CACNA2D3: variants seen among roughly 807,000 people sequenced by gnomAD.
The protein encoded by CACNA2D3 is voltage-dependent calcium channel subunit alpha-2/delta-3.
In CACNA2D3, 60 loss-of-function variants were observed where a neutral mutation model predicts 160.6. That is an observed-to-expected ratio of 0.37 (90% CI 0.30 to 0.46). The LOEUF is 0.46. CACNA2D3 is among the 20% of genes least tolerant of loss of function. The pLI, the probability that CACNA2D3 is intolerant of heterozygous loss-of-function variation, is 1.00. For missense variants in CACNA2D3, 1,205 were observed against 1,365.0 expected, an observed-to-expected ratio of 0.88 and a Z score of 1.85; for synonymous variants, 558 against 492.9, an observed-to-expected ratio of 1.13 and a Z score of -1.75.
intron 2 of CACNA2D3, among the ~76,000 whole-genome samples, chr3:54,212,637 GTCCGA>G (rs1701396241): frequency 6.6e-6 from 1 of 152,188 alleles, no homozygotes; most frequent in Non-Finnish European, 1.5e-5. Context: ...AATGAGGTGT[GTCCGA>G]CCCCCACTTC....
intron 5 of CACNA2D3, among the ~76,000 whole-genome samples, chr3:54,524,266 T>A (rs1701690932): frequency 6.6e-6 from 1 of 152,166 alleles, no homozygotes; most frequent in South Asian, 2.1e-4. Flanking sequence ...ATGCACTGGT[T>A]ATTTAGGAGT....
chr3:54,800,680 C>G (rs750536248), intron 13 of CACNA2D3, among the ~76,000 whole-genome samples: 1 of 152,182 alleles, frequency 6.6e-6, no homozygotes, highest in Non-Finnish European at 1.5e-5. Flanking sequence ...CAAAGAATGT[C>G]TGCCATCAAA....
intron 2 of CACNA2D3, among the ~76,000 whole-genome samples, chr3:54,203,953 GGTCCCTGGGA>G: frequency 6.6e-6 from 1 of 151,976 alleles, no homozygotes; most frequent in African/African-American, 2.4e-5. Context: ...TCCTCACCTA[GGTCCCTGGGA>G]GTGGGACCCT....
At chr3:54,859,971 T>TGCGC (rs141605463) in intron 17 of CACNA2D3, among the ~76,000 whole-genome samples, 15,678 of 60,982 alleles carry the variant, frequency 0.26, 1,113 homozygotes, top group Non-Finnish European at 0.28. Flanking sequence ...GGAAAGTAGA[T>TGCGC]GCACACACAC....
chr3:54,332,918 G>A (rs1704296848), intron 3 of CACNA2D3, among the ~76,000 whole-genome samples: 1 of 152,116 alleles, frequency 6.6e-6, no homozygotes, highest in South Asian at 2.1e-4. Context: ...TGCTATTAGG[G>A]GAGACAGGAA....
At position 54,868,735 on chromosome 3, in the gene CACNA2D3, C is replaced by T. The variant is rs947987240; in HGVS notation, c.1627-2804C>T. ...CACCATCATAGTCAACAAACAGCTT[C>T]TGTCTGCCTATGGTTTGCAGAATGG... On this transcript the variant is annotated intron_variant, in intron 17 of 37. Transcript: ENST00000474759. Among the ~76,000 whole-genome samples, 10 of 152,282 alleles carry T rather than the reference C, an allele frequency of 6.6e-5. No homozygotes were observed. In the East Asian group the frequency reaches 1.5e-3, roughly 24 times the overall value.
intron 35 of CACNA2D3, among the ~76,000 whole-genome samples, chr3:55,057,101 G>A (rs9866615): frequency 0.043 from 6,548 of 152,210 alleles, 487 homozygotes; most frequent in African/African-American, 0.15. Context: ...AATCATGGGG[G>A]TAGGTCTTTC....
At chr3:54,626,947 G>T (rs977763915) in intron 9 of CACNA2D3, among the ~76,000 whole-genome samples, 1 of 152,168 alleles carries the variant, frequency 6.6e-6, no homozygotes, top group Non-Finnish European at 1.5e-5. Context: ...TCTAGCTAAT[G>T]CTGAGCTTCT....
intron 2 of CACNA2D3, among the ~76,000 whole-genome samples, chr3:54,146,667 T>C (rs1441881242): frequency 6.6e-6 from 1 of 152,186 alleles, no homozygotes; most frequent in Non-Finnish European, 1.5e-5. Flanking sequence ...GCAGGGCCCA[T>C]GGAAGCTACA....
chr3:54,221,826 A>G (rs1701579065), intron 2 of CACNA2D3, among the ~76,000 whole-genome samples: 1 of 151,864 alleles, frequency 6.6e-6, no homozygotes, highest in African/African-American at 2.4e-5. Flanking sequence ...ATTATTGTAC[A>G]GTTACTTTTT....
At chr3:54,222,486 A>G (rs1701593737) in intron 2 of CACNA2D3, among the ~76,000 whole-genome samples, 1 of 152,232 alleles carries the variant, frequency 6.6e-6, no homozygotes, top group African/African-American at 2.4e-5. Context: ...GATGAGGCCT[A>G]TGTACATTAG....
At chr3:54,301,456 C>T (rs56274207) in intron 2 of CACNA2D3, among the ~76,000 whole-genome samples, 2,615 of 151,764 alleles carry the variant, frequency 0.017, 82 homozygotes, top group African/African-American at 0.06. Flanking sequence ...AAAATGAGAC[C>T]CTGTCTCAAA....
chr3:54,417,483 T>G (rs1159646761), intron 4 of CACNA2D3, among the ~76,000 whole-genome samples: 1 of 152,192 alleles, frequency 6.6e-6, no homozygotes, highest in African/African-American at 2.4e-5. Flanking sequence ...TATCTGAGTC[T>G]TTAAGATTCT....
chr3:54,675,420 T>C (rs972730235), intron 11 of CACNA2D3, among the ~76,000 whole-genome samples: 8 of 151,978 alleles, frequency 5.3e-5, no homozygotes, highest in African/African-American at 1.9e-4. Context: ...AGGATCTAGG[T>C]GTTGAGGGCT....
intron 3 of CACNA2D3, among the ~76,000 whole-genome samples, chr3:54,361,128 G>T (rs1698735078): frequency 6.6e-6 from 1 of 151,942 alleles, no homozygotes; most frequent in Non-Finnish European, 1.5e-5. Flanking sequence ...AAACATGCCA[G>T]TGAAAATGTT....
chr3:54,921,643 G>A (rs569124464), intron 27 of CACNA2D3, among the ~76,000 whole-genome samples: 126 of 152,136 alleles, frequency 8.3e-4, no homozygotes, highest in Non-Finnish European at 1.5e-3. Context: ...CCACCTCCAG[G>A]CCATAAAGCC....
At chr3:54,251,485 G>T (rs1702189026) in intron 2 of CACNA2D3, among the ~76,000 whole-genome samples, 1 of 152,130 alleles carries the variant, frequency 6.6e-6, no homozygotes, top group Non-Finnish European at 1.5e-5. Flanking sequence ...ATTCCTTTTG[G>T]AAACATTATT....
rs112873115 is a variant in CACNA2D3, at chr3:54,789,269, T to C, written c.1380+24918T>C. ...TTTCCCAAATATCTATTCCAAGATA[T>C]GTGTTTTAAAAAAACTGTGTCCTTT... is the stretch of plus-strand genomic sequence containing the variant. On this transcript the variant is annotated intron_variant, in intron 13 of 37. Coordinates refer to ENST00000474759, the MANE Select transcript of CACNA2D3 (RefSeq NM_018398.3). Among the ~76,000 whole-genome samples the C allele has an allele frequency of 7.7e-3, 1,178 of 152,326 alleles. 15 individuals are homozygous for C. Among genetic ancestry groups the C allele is most frequent in the African/African-American group, 0.026 (1,075 of 41,572 alleles).
chr3:54,311,527 C>T lies in CACNA2D3; in HGVS notation c.205-8915C>T, dbSNP rs75600775. ...CTTTCTCCCTGGTGACTGTGATGGC[C>T]GGTCCTTTCTGTCCCTGGCCAGAGC... On this transcript the variant is annotated intron_variant, in intron 2 of 37. Coordinates refer to ENST00000474759, the MANE Select transcript of CACNA2D3 (RefSeq NM_018398.3). Among the ~76,000 whole-genome samples the T allele has an allele frequency of 3.8e-3, 576 of 152,234 alleles. 12 individuals are homozygous for T. In the East Asian group the frequency reaches 0.061, roughly 16 times the overall value.
Sources: gnomAD v4.1 joint callset for allele counts (sites outside exome capture counted in the v4.1 genomes callset) on GRCh38, gnomAD v4.1.1 for gene constraint, MANE v1.5 for transcripts, NCBI Gene and HGNC (gene_info 2026-07-23, HGNC 2026-07-21) for gene names.